SRD5A2: variants seen among roughly 807,000 people sequenced by gnomAD.
The protein encoded by SRD5A2 is steroid 5 alpha-reductase 2, also known as 3-oxo-5-alpha-steroid 4-dehydrogenase 2.
SRD5A2 carries 30 observed loss-of-function variants against 27.4 expected under a neutral mutation model. That is an observed-to-expected ratio of 1.10 (90% CI 0.82 to 1.49). The LOEUF is 1.49. Ranked by LOEUF, SRD5A2 falls within the 40% of genes most tolerant of loss-of-function variation. The pLI, the probability that SRD5A2 is intolerant of heterozygous loss-of-function variation, is 0.00. For missense variants in SRD5A2, 348 were observed against 323.4 expected, an observed-to-expected ratio of 1.08 and a Z score of -0.58; for synonymous variants, 141 against 133.6, an observed-to-expected ratio of 1.06 and a Z score of -0.38.
chr2:31,611,567 C>T, the SRD5A2 span, among the ~76,000 whole-genome samples: 8 of 152,202 alleles, frequency 5.3e-5, no homozygotes, highest in African/African-American at 1.9e-4. Context: ...ATAAGAGATA[C>T]AAAACACCAA....
At chr2:31,615,484 G>A in the SRD5A2 span, among the ~76,000 whole-genome samples, 2 of 152,212 alleles carry the variant, frequency 1.3e-5, no homozygotes, top group Non-Finnish European at 2.9e-5. Flanking sequence ...CTGCCCTGGA[G>A]ATCTGTGGAA....
At chr2:31,641,842 T>C in the SRD5A2 span, among the ~76,000 whole-genome samples, 3 of 152,086 alleles carry the variant, frequency 2.0e-5, no homozygotes, top group Non-Finnish European at 2.9e-5. Context: ...CCAATTAATC[T>C]ACAGATTCAT....
chr2:31,608,752 G>A, the SRD5A2 span, among the ~76,000 whole-genome samples: 1 of 151,934 alleles, frequency 6.6e-6, no homozygotes, highest in Non-Finnish European at 1.5e-5. Context: ...ACAAAACATT[G>A]TTGAAAGAAA....
At chr2:31,584,567 A>C (rs959743385), upstream of SRD5A2, among the ~76,000 whole-genome samples, 1 of 152,202 alleles carries the variant, frequency 6.6e-6, no homozygotes, top group Non-Finnish European at 1.5e-5. Context: ...CTATACTTCT[A>C]AACAGCTGGC....
chr2:31,554,400 C>T (rs967277421), intron 1 of SRD5A2, among the ~76,000 whole-genome samples: 7 of 152,094 alleles, frequency 4.6e-5, no homozygotes, highest in East Asian at 1.9e-4. Flanking sequence ...ACTGTGATTA[C>T]GGAGATGAAG....
intron 3 of SRD5A2, among the ~76,000 whole-genome samples, chr2:31,530,506 ATT>A (rs1326332148): frequency 6.6e-6 from 1 of 152,140 alleles, no homozygotes; most frequent in East Asian, 1.9e-4. Context: ...CTCCTAAATT[ATT>A]TTTGTTTGAT....
At chr2:31,573,882 C>A (rs1177672930) in intron 1 of SRD5A2, among the ~76,000 whole-genome samples, 1 of 152,204 alleles carries the variant, frequency 6.6e-6, no homozygotes, top group African/African-American at 2.4e-5. Flanking sequence ...TTCCCCCAAA[C>A]CAGCTTTACC....
the SRD5A2 span, among the ~76,000 whole-genome samples, chr2:31,605,492 A>C: frequency 6.8e-6 from 1 of 146,602 alleles, no homozygotes; most frequent in Non-Finnish European, 1.5e-5. Flanking sequence ...AAACATCTGA[A>C]TAGACACTTC....
the SRD5A2 span, among the ~76,000 whole-genome samples, chr2:31,614,762 T>C: frequency 3.3e-4 from 51 of 152,350 alleles, no homozygotes; most frequent in Admixed American, 1.6e-3. Flanking sequence ...ACTTTAATTC[T>C]TGACTTCTGT....
At chr2:31,533,243 T>C (rs1230498934) in intron 2 of SRD5A2, among the ~76,000 whole-genome samples, 1 of 151,930 alleles carries the variant, frequency 6.6e-6, no homozygotes, top group Admixed American at 6.6e-5. Context: ...TGACAGCTTG[T>C]GGCACAGCAG....
At chr2:31,619,794 G>C in the SRD5A2 span, among the ~76,000 whole-genome samples, 2 of 151,608 alleles carry the variant, frequency 1.3e-5, no homozygotes, top group Non-Finnish European at 3.0e-5. Context: ...TTGTTTGTTT[G>C]TTTCTTATAA....
At chr2:31,631,858 G>A in the SRD5A2 span, among the ~76,000 whole-genome samples, 5 of 152,180 alleles carry the variant, frequency 3.3e-5, no homozygotes, top group Non-Finnish European at 7.3e-5. Flanking sequence ...TTGGGACACA[G>A]AATCAGAACA....
At chr2:31,604,684 T>C in the SRD5A2 span, among the ~76,000 whole-genome samples, 454 of 152,004 alleles carry the variant, frequency 3.0e-3, 1 homozygote, top group South Asian at 0.016. Flanking sequence ...AGATATTCCA[T>C]GTTCAGGGAT....
chr2:31,538,148 C>T (rs1666063064), intron 1 of SRD5A2, among the ~76,000 whole-genome samples: 2 of 152,300 alleles, frequency 1.3e-5, no homozygotes, highest in South Asian at 4.1e-4. Flanking sequence ...TCCTACTATG[C>T]CCCTAGTTTA....
chr2:31,629,838 C>G, the SRD5A2 span, among the ~76,000 whole-genome samples: 1 of 152,178 alleles, frequency 6.6e-6, no homozygotes, highest in Non-Finnish European at 1.5e-5. Flanking sequence ...ACCTCTGAGT[C>G]TACTTCCTCT....
chr2:31,554,924 C>CGTGTGTGTGTGTGT (rs59697517), intron 1 of SRD5A2, among the ~76,000 whole-genome samples: 16 of 132,204 alleles, frequency 1.2e-4, no homozygotes, highest in African/African-American at 3.4e-4. Context: ...CTATCCTGAT[C>CGTGTGTGTGTGTGT]GTGTGTGTGT....
intron 1 of SRD5A2, among the ~76,000 whole-genome samples, chr2:31,578,595 G>T (rs1572658743): frequency 6.6e-6 from 1 of 152,194 alleles, no homozygotes; most frequent in Admixed American, 6.5e-5. Context: ...TTCAAAGAAA[G>T]AATTCAAAAA....
chr2:31,592,017 A>T, the SRD5A2 span, among the ~76,000 whole-genome samples: 14 of 150,782 alleles, frequency 9.3e-5, no homozygotes, highest in Non-Finnish European at 2.1e-4. Context: ...CAGCACACCA[A>T]CATGGCACAT....
the SRD5A2 span, among the ~76,000 whole-genome samples, chr2:31,605,902 G>C: frequency 4.0e-5 from 6 of 151,834 alleles, no homozygotes; most frequent in Non-Finnish European, 7.4e-5. Flanking sequence ...CAACCTAAAT[G>C]TCCATTAATA....
Sources: allele counts gnomAD v4.1 joint callset (sites outside exome capture counted in the v4.1 genomes callset), GRCh38; gene constraint gnomAD v4.1.1; transcripts MANE v1.5; gene names NCBI Gene and HGNC (gene_info 2026-07-23, HGNC 2026-07-21).